The following CIITA variants were observed in gnomAD, a reference collection of about 807,000 sequenced individuals.
The protein encoded by CIITA is MHC class II transactivator.
A neutral mutation model predicts 115.1 loss-of-function variants in CIITA; 72 were observed. The observed-to-expected ratio is 0.63, with a 90% CI of 0.52 to 0.76. CIITA has a LOEUF of 0.76. CIITA is among the 30% of genes least tolerant of loss of function. The pLI is 0.00. For missense variants in CIITA, 1,617 were observed against 1,463.8 expected, an observed-to-expected ratio of 1.10 and a Z score of -1.71; for synonymous variants, 763 against 635.6, an observed-to-expected ratio of 1.20 and a Z score of -3.02.
In CIITA at chr16:10,935,186, C is replaced by T. The variant is rs769836811; in HGVS notation, c.*11331C>T. 1.3e-5 allele frequency: 2 copies of T among 152,248 alleles called. No homozygotes were observed. Among genetic ancestry groups the T allele is most frequent in the Non-Finnish European group, 2.9e-5 (2 of 68,044 alleles). The allele number at this position is 152,248 out of a possible 1,614,324, so 9.4% of individuals were successfully genotyped here. ...AGCTGGGATTTAAACCAAAATATGT[C>T]CAACTGCAAAGCATGTAAGTAACAA... On this transcript the variant is annotated 3_prime_UTR_variant, in exon 20 of 20. Coordinates refer to ENST00000324288, the MANE Select transcript of CIITA (RefSeq NM_000246.4).
upstream of CIITA, among the ~76,000 whole-genome samples, chr16:10,873,089 C>T (rs1310408183): frequency 6.6e-6 from 1 of 152,208 alleles, no homozygotes; most frequent in Non-Finnish European, 1.5e-5. Context: ...CCTCCCATCT[C>T]AGCCTCCCAA....
In CIITA at chr16:10,901,812, G is replaced by A; in HGVS notation, c.482-226G>A. On this transcript the variant is annotated intron_variant, in intron 6 of 19. Transcript: ENST00000324288. This position sits in a 1 kb window ranked among gnomAD's most constrained non-coding sequence, Gnocchi z 6.8. ...TTCTGCCCCAGCTCTCCGTGTGGAG[G>A]CCCTAGGGTCCTGCTCAGCATAGCT... The A allele has an allele frequency of 1.4e-6, 1 of 703,522 alleles. No individual in the cohort carries two copies. The allele number at this position is 703,522 out of a possible 1,614,324, so 43.6% of individuals were successfully genotyped here.
Position 10,901,380 on chromosome 16 carries a change from A to C in CIITA, c.437-134A>C. On this transcript the variant is annotated intron_variant, in intron 5 of 19. Transcript: ENST00000324288. This position sits in a 1 kb window ranked among gnomAD's most constrained non-coding sequence, Gnocchi z 6.8. The stretch of plus-strand genomic sequence containing the variant: ...GAGCTGGGGTTGGAATGTTAGAGCG[A>C]GGGGAGGAAAATGGACCCCCAAGAC... 1.1e-6 allele frequency: 1 copy of C among 870,016 alleles called. No homozygotes were observed. Among genetic ancestry groups the C allele is most frequent in the South Asian group, 1.4e-5 (1 of 70,580 alleles). The allele number at this position is 870,016 out of a possible 1,614,324, so 53.9% of individuals were successfully genotyped here.
At chr16:10,899,533 G>T (rs1044697865) in intron 5 of CIITA, among the ~76,000 whole-genome samples, 6 of 152,094 alleles carry the variant, frequency 3.9e-5, no homozygotes, top group Non-Finnish European at 8.8e-5. Context: ...CATATTTTAC[G>T]CCTTGCTCTC....
intron 1 of CIITA, among the ~76,000 whole-genome samples, chr16:10,868,858 G>A (rs906475965): frequency 3.9e-5 from 6 of 152,164 alleles, no homozygotes; most frequent in Non-Finnish European, 7.3e-5. Context: ...TGTGGTCTTC[G>A]GGGAGCTGGG....
rs183871938 is a variant in CIITA, at chr16:10,879,297, C to T, written c.52+1915C>T. Among the ~76,000 whole-genome samples, 1 of 152,296 alleles carries T rather than the reference C, an allele frequency of 6.6e-6. No homozygotes were observed. The highest frequency in any genetic ancestry group is 6.5e-5 in the Admixed American group (1 of 15,304). On this transcript the variant is annotated intron_variant, in intron 1 of 19. Coordinates refer to ENST00000324288, the MANE Select transcript of CIITA (RefSeq NM_000246.4). This position sits in a 1 kb window ranked among gnomAD's most constrained non-coding sequence, Gnocchi z 4.3. ...GGGCCGTGGGCGGGTGGCAGGAAAGCCTGGCGGCAGCTTCTGCAGAGAAGC... is the reference window on the plus strand; with the variant it reads ...GGGCCGTGGGCGGGTGGCAGGAAAGTCTGGCGGCAGCTTCTGCAGAGAAGC...
Position 10,906,994 on chromosome 16 carries a change from T to C in CIITA, c.1502T>C (p.Phe501Ser). 1 of 1,610,556 alleles carries C rather than the reference T, an allele frequency of 6.2e-7. No homozygotes were observed. Among genetic ancestry groups the C allele is most frequent in the Admixed American group, 1.7e-5 (1 of 59,932 alleles). The change falls in exon 11 of 20, where the codon TTC (phenylalanine) becomes TCC (serine). Residue 501 changes from phenylalanine to serine, a missense_variant. By Grantham distance (155) the Phe-to-Ser change is radical (BLOSUM62 -2). Coordinates refer to ENST00000324288, the MANE Select transcript of CIITA (RefSeq NM_000246.4). The part of the protein sequence containing the change: ...PDRVLLILDG[F>S]EELEAQDGFL... Reference sequence around the variant, plus strand: ...CGCGTTCTGCTCATCCTAGACGGCTTCGAGGAGCTGGAAGCGCAAGATGGC... The same window carrying C: ...CGCGTTCTGCTCATCCTAGACGGCTCCGAGGAGCTGGAAGCGCAAGATGGC...
intron 2 of CIITA, 95 bp downstream of exon 2, chr16:10,895,523 C>G (rs1224594516): frequency 7.6e-6 from 12 of 1,577,582 alleles, no homozygotes; most frequent in African/African-American, 1.3e-5. Flanking sequence ...CCTGCCCTCC[C>G]GTCAGCACCA....
rs148279688 is a variant in CIITA, at chr16:10,902,148, G to A, written c.592G>A (p.Gly198Ser). 195 of 1,614,014 alleles carry A rather than the reference G, an allele frequency of 1.2e-4. 1 individual carries two copies. The highest frequency in any genetic ancestry group is 9.9e-4 in the African/African-American group (74 of 74,916). Reference protein sequence around the residue: ...PALFNQEPASGQMRLEKTDQI... With the variant: ...PALFNQEPASSQMRLEKTDQI... ...GCTGTTCAACCAGGAGCCAGCCTCCGGCCAGATGCGCCTGGAGAAAACCGA... is the reference window on the plus strand; with the variant it reads ...GCTGTTCAACCAGGAGCCAGCCTCCAGCCAGATGCGCCTGGAGAAAACCGA... The change falls in exon 7 of 20, where the codon GGC (glycine) becomes AGC (serine). Residue 198 changes from glycine (G) to serine (S), a missense_variant. Coordinates refer to ENST00000324288, the MANE Select transcript of CIITA (RefSeq NM_000246.4).
chr16:10,910,084 C>A (rs2039454400), intron 12 of CIITA, 104 bp from the exon 13 acceptor site: 8 of 910,468 alleles, frequency 8.8e-6, no homozygotes, highest in Non-Finnish European at 1.4e-5. Flanking sequence ...GGAAAGCAAT[C>A]CCCCTGGGGA....
chr16:10,903,882 A>G lies in CIITA; in HGVS notation c.924A>G (p.Arg308=), dbSNP rs1249539070. The change falls in exon 9 of 20, where the codon CGA becomes CGG. Residue 308 remains arginine, a synonymous_variant. Transcript: ENST00000324288. The part of the protein sequence containing the change: ...PSMPEPALTS[R]ANMTEHKTSP... ...TGCCTGAACCTGCCCTGACCTCCCG[A>G]GCAAACATGACAGGTAAGGACCCTT... 5.0e-6 allele frequency: 8 copies of G among 1,614,180 alleles called. No individual in the cohort carries two copies. Among genetic ancestry groups the G allele is most frequent in the Non-Finnish European group, 6.8e-6 (8 of 1,180,024 alleles).
In CIITA at chr16:10,908,865, A is replaced by C. The variant is rs1379056776; in HGVS notation, c.2658-164A>C. The C allele has an allele frequency of 5.4e-6, 5 of 917,498 alleles. No individual in the cohort carries two copies. The African/African-American group carries it at 8.2e-5, about 15-fold the overall frequency. 56.8% of individuals were successfully genotyped at this position (917,498 alleles called of 1,614,324 possible). Reference sequence around the variant, plus strand: ...ACTGTGTGAGTTGTGAGAAAGTAGGAATCAATAAAGGCTGGAGTGGTCATG... The same window carrying C: ...ACTGTGTGAGTTGTGAGAAAGTAGGCATCAATAAAGGCTGGAGTGGTCATG... On this transcript the variant is annotated intron_variant, in intron 11 of 19. Transcript: ENST00000324288.
In CIITA at chr16:10,907,582, A is replaced by T; in HGVS notation, c.2090A>T (p.His697Leu). Residue 697 changes from histidine to leucine, a missense_variant, in exon 11 of 20, where the codon CAC becomes CTC. Coordinates refer to ENST00000324288, the MANE Select transcript of CIITA (RefSeq NM_000246.4). This position sits in a 1 kb window ranked among gnomAD's most constrained non-coding sequence, Gnocchi z 5.0. The stretch of plus-strand genomic sequence containing the variant: ...GCGATGGCCAAAGGCTTAGTCCAAC[A>T]CCCACCGCGGGCCGCAGAGTCCGAG... ...TWAMAKGLVQ[H>L]PPRAAESELA... 1 of 1,614,022 alleles carries T rather than the reference A, an allele frequency of 6.2e-7. No homozygotes were observed. Among genetic ancestry groups the T allele is most frequent in the Non-Finnish European group, 8.5e-7 (1 of 1,179,998 alleles).
At chr16:10,878,285 C>G (rs2036039653) in intron 1 of CIITA, among the ~76,000 whole-genome samples, 1 of 152,104 alleles carries the variant, frequency 6.6e-6, no homozygotes, top group Non-Finnish European at 1.5e-5. Context: ...CCTTAAGTTG[C>G]TACGGGAAAG....
At chr16:10,870,910 T>A (rs1314958605) in intron 1 of CIITA, among the ~76,000 whole-genome samples, 3 of 152,112 alleles carry the variant, frequency 2.0e-5, no homozygotes, top group Non-Finnish European at 4.4e-5. Flanking sequence ...AGAAAAATAA[T>A]TACTGCAGTC....
At chr16:10,882,638 C>A (rs1408652177) in intron 1 of CIITA, among the ~76,000 whole-genome samples, 1 of 152,064 alleles carries the variant, frequency 6.6e-6, no homozygotes, top group African/African-American at 2.4e-5. Flanking sequence ...TGGCTCACAC[C>A]TGTAACCCCA....
In CIITA at chr16:10,907,279, C is replaced by T. The variant is rs146528748; in HGVS notation, c.1787C>T (p.Thr596Met). 46 of 1,613,522 alleles carry T rather than the reference C, an allele frequency of 2.9e-5. No individual in the cohort carries two copies. In the African/African-American group the frequency reaches 4.5e-4, roughly 16 times the overall value. Reference protein sequence around the residue: ...GMTEHQDRALTLLRDRPLLLS... With the variant: ...GMTEHQDRALMLLRDRPLLLS... ...ACAGAGCACCAAGACAGAGCCCTGA[C>T]GCTCCTCCGGGACCGGCCACTTCTT... The change falls in exon 11 of 20, where the codon ACG (threonine) becomes ATG (methionine). Residue 596 changes from threonine to methionine, a missense_variant. Thr to Met is a moderately conservative substitution (Grantham distance 81). Transcript: ENST00000324288. This position sits in a 1 kb window ranked among gnomAD's most constrained non-coding sequence, Gnocchi z 5.0.
chr16:10,906,650 C>T lies in CIITA; in HGVS notation c.1158C>T (p.Asp386=), dbSNP rs1229275843. 3 of 1,613,762 alleles carry T rather than the reference C, an allele frequency of 1.9e-6. No individual in the cohort carries two copies. The highest frequency in any genetic ancestry group is 1.3e-5 in the African/African-American group (1 of 74,936). The part of the protein sequence containing the change: ...KSLERELATP[D]WAERQLAQGG... Reference sequence around the variant, plus strand: ...TGGAGCGGGAACTGGCCACCCCGGACTGGGCAGAACGGCAGCTGGCCCAAG... The same window carrying T: ...TGGAGCGGGAACTGGCCACCCCGGATTGGGCAGAACGGCAGCTGGCCCAAG... The change falls in exon 11 of 20, where the codon GAC becomes GAT. Residue 386 remains aspartate (D), a synonymous_variant. Coordinates refer to ENST00000324288, the MANE Select transcript of CIITA (RefSeq NM_000246.4).
chr16:10,934,978 G>A lies in CIITA; in HGVS notation c.*11123G>A, dbSNP rs1250149342. ...GAAAGGGGGAAGGCTTCCTGGGCTA[G>A]AGCCCCTTCAGGGTCTGACACGCCA... On this transcript the variant is annotated 3_prime_UTR_variant, in exon 20 of 20. Transcript: ENST00000324288. This position sits in a 1 kb window ranked among gnomAD's most constrained non-coding sequence, Gnocchi z 4.2. The A allele has an allele frequency of 6.6e-6, 1 of 152,284 alleles. No homozygotes were observed. The highest frequency in any genetic ancestry group is 6.5e-5 in the Admixed American group (1 of 15,292). 9.4% of individuals were successfully genotyped at this position (152,284 alleles called of 1,614,324 possible).
Sources: allele counts gnomAD v4.1 joint callset (sites outside exome capture counted in the v4.1 genomes callset), GRCh38; gene constraint gnomAD v4.1.1; non-coding constraint Gnocchi (gnomAD v3.1); transcripts MANE v1.5; gene names NCBI Gene and HGNC (gene_info 2026-07-23, HGNC 2026-07-21).